Variants in LRMDA observed in about 807,000 individuals in gnomAD.
LRMDA encodes the protein leucine rich melanocyte differentiation associated, also known as leucine-rich melanocyte differentiation-associated protein.
In LRMDA, 18 loss-of-function variants were observed where a neutral mutation model predicts 29.8. The ratio of observed to expected loss-of-function variants is 0.60; its 90% confidence interval spans 0.42 to 0.90. The LOEUF is 0.90. Ranked by LOEUF, LRMDA falls within the 40% of genes least tolerant of loss-of-function variation. The probability of loss-of-function intolerance (pLI) is 0.00; values close to 1 mark genes in which losing one functional copy is unlikely to be tolerated. For synonymous variants in LRMDA, 125 were observed against 109.4 expected, an observed-to-expected ratio of 1.14 and a Z score of -0.89; for missense variants, 273 against 273.9, an observed-to-expected ratio of 1.00 and a Z score of 0.02.
At position 75,986,112 on chromosome 10, in the gene LRMDA, G is replaced by C. The variant is rs1847258372; in HGVS notation, c.132-49896G>C. ...TTGCTAGAACCTATTATTTTGGAGAGCTCTGAGAGTTAGTGAGGAGAGAGT... is the reference window on the plus strand; with the variant it reads ...TTGCTAGAACCTATTATTTTGGAGACCTCTGAGAGTTAGTGAGGAGAGAGT... On this transcript the variant is annotated intron_variant, in intron 2 of 6. Coordinates refer to ENST00000611255, the MANE Select transcript of LRMDA (RefSeq NM_001305581.2). Among the ~76,000 whole-genome samples the C allele has an allele frequency of 2.0e-5, 3 of 152,300 alleles. No homozygotes were observed. The South Asian group carries it at 6.2e-4, about 32-fold the overall frequency.
chr10:75,686,207 C>T, intron 2 of LRMDA, among the ~76,000 whole-genome samples: 1 of 152,150 alleles, frequency 6.6e-6, no homozygotes, highest in East Asian at 1.9e-4. Context: ...GTGATTGTAC[C>T]AGCTGGGCAT....
At chr10:76,462,059 C>G (rs1261865761) in intron 6 of LRMDA, among the ~76,000 whole-genome samples, 1 of 122,142 alleles carries the variant, frequency 8.2e-6, no homozygotes, top group African/African-American at 3.1e-5. Flanking sequence ...AACTCTGTCT[C>G]AAAAAAAAAA....
intron 5 of LRMDA, among the ~76,000 whole-genome samples, chr10:76,077,099 A>G (rs1416535651): frequency 6.6e-6 from 1 of 152,114 alleles, no homozygotes; most frequent in Non-Finnish European, 1.5e-5. Flanking sequence ...ATGGCAGAAG[A>G]TGCCCCAGGG....
intron 5 of LRMDA, among the ~76,000 whole-genome samples, chr10:76,209,625 G>A (rs760615786): frequency 6.6e-6 from 1 of 152,140 alleles, no homozygotes; most frequent in Non-Finnish European, 1.5e-5. Flanking sequence ...ATCAAGATAA[G>A]GATTTGATCT....
intron 2 of LRMDA, among the ~76,000 whole-genome samples, chr10:75,586,620 A>T (rs966247347): frequency 6.6e-6 from 1 of 152,100 alleles, no homozygotes; most frequent in Non-Finnish European, 1.5e-5. Flanking sequence ...GAGTACAGAC[A>T]TGAGGCACTG....
intron 2 of LRMDA, among the ~76,000 whole-genome samples, chr10:75,693,054 C>T (rs921426391): frequency 5.9e-5 from 9 of 152,294 alleles, no homozygotes; most frequent in African/African-American, 1.7e-4. Flanking sequence ...CGCGAACAGC[C>T]ATTCTAGTCT....
chr10:76,220,821 AAG>A (rs1851818863), intron 5 of LRMDA, among the ~76,000 whole-genome samples: 1 of 152,190 alleles, frequency 6.6e-6, no homozygotes, highest in African/African-American at 2.4e-5. Context: ...ACAACCAAAA[AAG>A]AGAACTTTAG....
At chr10:76,153,685 A>C (rs1262346099) in intron 5 of LRMDA, among the ~76,000 whole-genome samples, 1 of 152,226 alleles carries the variant, frequency 6.6e-6, no homozygotes, top group Non-Finnish European at 1.5e-5. Flanking sequence ...TGATAATCTA[A>C]GAGTTTAAAT....
intron 6 of LRMDA, among the ~76,000 whole-genome samples, chr10:76,417,678 C>G (rs1842031200): frequency 6.6e-6 from 1 of 152,154 alleles, no homozygotes; most frequent in Non-Finnish European, 1.5e-5. Context: ...CAATGTTAAA[C>G]AGTATTCCAA....
At chr10:76,448,160 G>A (rs1227165919) in intron 6 of LRMDA, among the ~76,000 whole-genome samples, 1 of 152,024 alleles carries the variant, frequency 6.6e-6, no homozygotes, top group Non-Finnish European at 1.5e-5. Context: ...CAGTTAACAT[G>A]TCAGTGTGTT....
At chr10:76,050,327 AC>A (rs1328929616) in intron 4 of LRMDA, among the ~76,000 whole-genome samples, 1 of 151,976 alleles carries the variant, frequency 6.6e-6, no homozygotes, top group African/African-American at 2.4e-5. Context: ...TTCCTCACTT[AC>A]CCCCTGTGCA....
intron 6 of LRMDA, among the ~76,000 whole-genome samples, chr10:76,343,813 A>AT (rs5786231): frequency 0.2 from 25,149 of 126,636 alleles, 2,678 homozygotes; most frequent in East Asian, 0.32. Flanking sequence ...TTTACAGGTG[A>AT]TTTTTTTTTT....
At chr10:75,571,048 A>G (rs1489751059) in intron 2 of LRMDA, among the ~76,000 whole-genome samples, 4 of 152,208 alleles carry the variant, frequency 2.6e-5, no homozygotes, top group African/African-American at 4.8e-5. Flanking sequence ...GAGTTTGGAT[A>G]GGGGCATCTA....
chr10:76,163,091 A>T (rs12244531), intron 5 of LRMDA, among the ~76,000 whole-genome samples: 5 of 152,014 alleles, frequency 3.3e-5, no homozygotes, highest in African/African-American at 9.7e-5. Context: ...TTGTGACAAT[A>T]GTGACATTAT....
At chr10:76,437,328 T>C (rs1873467) in intron 6 of LRMDA, 147,152 of 152,302 alleles carry the variant, frequency 0.97, 71,585 homozygotes, top group Middle Eastern at 1. Flanking sequence ...ATTATCTTTA[T>C]AGATGAAGAA....
At chr10:75,705,030 G>A (rs921396278) in intron 2 of LRMDA, among the ~76,000 whole-genome samples, 2 of 152,198 alleles carry the variant, frequency 1.3e-5, no homozygotes, top group Non-Finnish European at 2.9e-5. Context: ...TGAACTATTG[G>A]GGGCTGGGAG....
intron 2 of LRMDA, among the ~76,000 whole-genome samples, chr10:75,581,942 T>A (rs915090488): frequency 6.6e-6 from 1 of 151,522 alleles, no homozygotes; most frequent in Admixed American, 6.6e-5. Context: ...TTAAAAAATA[T>A]CTTAAAGCTC....
intron 6 of LRMDA, among the ~76,000 whole-genome samples, chr10:76,530,562 G>A (rs1163047925): frequency 1.3e-5 from 2 of 152,134 alleles, no homozygotes; most frequent in Non-Finnish European, 1.5e-5. Flanking sequence ...TAGGAAGCTC[G>A]ATAAAGTTAG....
chr10:76,049,780 T>C (rs1848499338), intron 4 of LRMDA, among the ~76,000 whole-genome samples: 1 of 152,210 alleles, frequency 6.6e-6, no homozygotes, highest in Non-Finnish European at 1.5e-5. Flanking sequence ...AACATTTTCC[T>C]GGCCCTTCAT....
Sources: gnomAD v4.1 joint callset for allele counts (sites outside exome capture counted in the v4.1 genomes callset) on GRCh38, gnomAD v4.1.1 for gene constraint, MANE v1.5 for transcripts, NCBI Gene and HGNC (gene_info 2026-07-23, HGNC 2026-07-21) for gene names.